Variants in TRIP12 observed in about 807,000 individuals in gnomAD.
The protein encoded by TRIP12 is E3 ubiquitin-protein ligase TRIP12.
In TRIP12, 25 loss-of-function variants were observed where a neutral mutation model predicts 244.2. The observed-to-expected ratio is 0.10, with a 90% CI of 0.07 to 0.14. The LOEUF (loss-of-function observed/expected upper bound fraction) is 0.14. Among genes scored for constraint, TRIP12 ranks in the 10% least tolerant of loss-of-function variants. The pLI is 1.00. For synonymous variants in TRIP12, 905 were observed against 873.1 expected, an observed-to-expected ratio of 1.04 and a Z score of -0.64; for missense variants, 1,677 against 2,486.4, an observed-to-expected ratio of 0.67 and a Z score of 6.92.
intron 4 of TRIP12, among the ~76,000 whole-genome samples, chr2:229,850,652 T>G (rs1013591100): frequency 6.6e-6 from 1 of 152,208 alleles, no homozygotes; most frequent in African/African-American, 2.4e-5. Context: ...CGCTGCAATG[T>G]GGGAGCCCCT....
intron 2 of TRIP12, among the ~76,000 whole-genome samples, chr2:229,864,023 AGAGAGAGAGAGAGAGAGAGAGAGAGTGT>A (rs1322358750): frequency 6.4e-5 from 9 of 140,040 alleles, no homozygotes; most frequent in Non-Finnish European, 1.2e-4. Context: ...AGAGAGAGAG[AGAGAGAGAGAGAGAGAGAGAGAGAGTGT>A]GTGTGTGTGT....
chr2:229,840,269 G>T (rs2056060627), intron 5 of TRIP12, among the ~76,000 whole-genome samples: 1 of 152,130 alleles, frequency 6.6e-6, no homozygotes, highest in Admixed American at 6.5e-5. Context: ...AGGAAAAGTA[G>T]AAGATAAAAG....
chr2:229,849,438 G>T (rs112651623), intron 4 of TRIP12, among the ~76,000 whole-genome samples: 1 of 151,888 alleles, frequency 6.6e-6, no homozygotes, highest in Non-Finnish European at 1.5e-5. Flanking sequence ...ACACAACAGG[G>T]ATCAAACACT....
intron 2 of TRIP12, among the ~76,000 whole-genome samples, chr2:229,877,627 G>A (rs1003369635): frequency 5.3e-5 from 8 of 152,116 alleles, no homozygotes; most frequent in Admixed American, 4.6e-4. Context: ...GAAGCAATGC[G>A]CTGTTGATAG....
intron 1 of TRIP12, among the ~76,000 whole-genome samples, chr2:229,883,225 C>A (rs938505901): frequency 1.3e-5 from 2 of 152,170 alleles, no homozygotes; most frequent in Non-Finnish European, 2.9e-5. Context: ...CTGAGCAGTT[C>A]TACACACTTC....
intron 2 of TRIP12, among the ~76,000 whole-genome samples, chr2:229,860,738 G>A (rs368057055): frequency 1.3e-5 from 2 of 150,570 alleles, no homozygotes; most frequent in South Asian, 2.1e-4. Flanking sequence ...CCCCCGCCCC[G>A]CAATACCGAA....
At chr2:229,922,872 G>A (rs1240387590), upstream of TRIP12, among the ~76,000 whole-genome samples, 2 of 152,172 alleles carry the variant, frequency 1.3e-5, no homozygotes, top group African/African-American at 2.4e-5. Flanking sequence ...CCGCCACCCC[G>A]GCTTCTTACC....
intron 39 of TRIP12, among the ~76,000 whole-genome samples, chr2:229,769,963 GCTCA>G (rs2033592553): frequency 6.6e-6 from 1 of 152,226 alleles, no homozygotes; most frequent in East Asian, 1.9e-4. Flanking sequence ...ATTATATAAT[GCTCA>G]CTGTCTGGTC....
intron 17 of TRIP12, chr2:229,806,101 T>C (rs974559106): frequency 1.8e-5 from 7 of 386,454 alleles, no homozygotes; most frequent in African/African-American, 1.2e-4. Context: ...CCTCAAGCCT[T>C]ATCAGGGACC....
In TRIP12 at chr2:229,877,939, A is replaced by G. The variant is rs527686114; in HGVS notation, c.98+2043T>C. ...TTTTAAAATCAGTCACATGAAGTTG[A>G]GTGTGGCTGCTCCAAAGAATAACCT... On this transcript the variant is annotated intron_variant, in intron 2 of 41. Coordinates refer to ENST00000675903, the MANE Select transcript of TRIP12 (RefSeq NM_001348323.3). Among the ~76,000 whole-genome samples, 16 of 152,356 alleles carry G rather than the reference A, an allele frequency of 1.1e-4. No homozygotes were observed. The South Asian group carries it at 3.1e-3, about 30-fold the overall frequency.
rs778828886 is a variant in TRIP12, at chr2:229,769,313, G to A, written c.5821C>T (p.Leu1941Phe). The A allele has an allele frequency of 1.2e-6, 2 of 1,613,868 alleles. No homozygotes were observed. Among genetic ancestry groups the A allele is most frequent in the Non-Finnish European group, 1.7e-6 (2 of 1,179,928 alleles). ...CAAGTGTCTGCTTTACTGCCACAAA[G>A]GAGCTGATCCAGCTGTGAGTTTAAA... ...YFYPEELDQL[L>F]CGSKADTWDA... Residue 1941 changes from leucine to phenylalanine, a missense_variant, in exon 40 of 42, where the codon CTT (leucine) becomes TTT (phenylalanine). Leu to Phe is a conservative substitution (Grantham distance 22). Transcript: ENST00000675903.
At chr2:229,888,248 T>C (rs546530) in intron 1 of TRIP12, among the ~76,000 whole-genome samples, 70,623 of 151,520 alleles carry the variant, frequency 0.47, 17,365 homozygotes, top group East Asian at 0.68. Context: ...CCAGGTAGAG[T>C]TTCAATAAGC....
intron 21 of TRIP12, 66 bp downstream of exon 21, chr2:229,802,186 G>A (rs755079925): frequency 1.2e-5 from 16 of 1,321,250 alleles, no homozygotes; most frequent in Non-Finnish European, 1.4e-5. Context: ...CTCCCTATAT[G>A]ATTCTTAGGT....
Position 229,811,169 on chromosome 2 carries a change from A to G in TRIP12, c.2022T>C (p.Phe674=). Residue 674 remains phenylalanine, a synonymous_variant, in exon 14 of 42, where the codon TTT becomes TTC. Transcript: ENST00000675903. ...KKSVESTCLC[F]ARLVDNFQHE... ...GCTGGAAGTTGTCCACTAGGCGTGC[A>G]AAACAAAGGCAAGTGCTTTCTACTG... is the stretch of plus-strand genomic sequence containing the variant. 1 of 1,614,084 alleles carries G rather than the reference A, an allele frequency of 6.2e-7. No homozygotes were observed. The highest frequency in any genetic ancestry group is 8.5e-7 in the Non-Finnish European group (1 of 1,179,988).
chr2:229,899,403 A>G (rs2069931635), intron 1 of TRIP12, among the ~76,000 whole-genome samples: 1 of 152,254 alleles, frequency 6.6e-6, no homozygotes, highest in Non-Finnish European at 1.5e-5. Flanking sequence ...AGAATGAGCT[A>G]GAATAAACTA....
chr2:229,917,523 A>G (rs750075873), intron 1 of TRIP12, among the ~76,000 whole-genome samples: 15 of 151,576 alleles, frequency 9.9e-5, no homozygotes, highest in Non-Finnish European at 1.6e-4. Flanking sequence ...GACTCTCCTC[A>G]GGCTTGGCCT....
intron 1 of TRIP12, among the ~76,000 whole-genome samples, chr2:229,902,636 A>G (rs187837205): frequency 1.3e-5 from 2 of 152,324 alleles, no homozygotes; most frequent in African/African-American, 4.8e-5. Flanking sequence ...CTAGACTTCC[A>G]ACATTTTGAG....
At chr2:229,866,139 C>T (rs916064136) in intron 2 of TRIP12, among the ~76,000 whole-genome samples, 12 of 152,162 alleles carry the variant, frequency 7.9e-5, no homozygotes, top group African/African-American at 2.9e-4. Flanking sequence ...ATGAAAAGCC[C>T]TGACAGTGTG....
chr2:229,891,733 C>T (rs567986254), intron 1 of TRIP12, among the ~76,000 whole-genome samples: 1 of 152,314 alleles, frequency 6.6e-6, no homozygotes, highest in Admixed American at 6.5e-5. Context: ...CATTACGTAT[C>T]ATCTTCTATT....
Sources: allele counts gnomAD v4.1 joint callset (sites outside exome capture counted in the v4.1 genomes callset), GRCh38; gene constraint gnomAD v4.1.1; transcripts MANE v1.5; gene names NCBI Gene and HGNC (gene_info 2026-07-23, HGNC 2026-07-21).